The following SLC43A1 variants were observed in gnomAD, a reference collection of about 807,000 sequenced individuals.
SLC43A1 encodes large neutral amino acids transporter small subunit 3.
A neutral mutation model predicts 59.5 loss-of-function variants in SLC43A1; 31 were observed. The observed-to-expected ratio is 0.52, with a 90% CI of 0.39 to 0.70. SLC43A1 has a LOEUF of 0.70. Among genes scored for constraint, SLC43A1 ranks in the 30% least tolerant of loss-of-function variants. The pLI is 0.00. For synonymous variants in SLC43A1, 259 were observed against 290.9 expected, an observed-to-expected ratio of 0.89 and a Z score of 1.12; for missense variants, 598 against 717.8, an observed-to-expected ratio of 0.83 and a Z score of 1.91.
At position 57,490,223 on chromosome 11, in the gene SLC43A1, C is replaced by T. The variant is rs533465271; in HGVS notation, c.1194-831G>A. Among the ~76,000 whole-genome samples the T allele has an allele frequency of 2.6e-5, 4 of 151,892 alleles. No homozygotes were observed. In the East Asian group the frequency reaches 7.8e-4, roughly 30 times the overall value. ...ACTCGGGAGGCTGAGGCAGGAGAAT[C>T]GCTTGAACCTGGGAGGCAGAGGTTG... On this transcript the variant is annotated intron_variant, in intron 11 of 14. Coordinates refer to ENST00000278426, the MANE Select transcript of SLC43A1 (RefSeq NM_003627.6).
At chr11:57,513,736 G>A (rs1023468274) in intron 2 of SLC43A1, among the ~76,000 whole-genome samples, 1 of 152,220 alleles carries the variant, frequency 6.6e-6, no homozygotes, top group African/African-American at 2.4e-5. Context: ...GGGTCTGGAT[G>A]ACCAGCAGGA....
At chr11:57,500,177 T>C (rs1201797661) in intron 5 of SLC43A1, among the ~76,000 whole-genome samples, 1 of 152,152 alleles carries the variant, frequency 6.6e-6, no homozygotes, top group African/African-American at 2.4e-5. Context: ...CCACATGTAA[T>C]AGGTCAAGCC....
chr11:57,496,053 C>A lies in SLC43A1; in HGVS notation c.670G>T (p.Ala224Ser), dbSNP rs1461620388. The change falls in exon 7 of 15, where the codon GCC (alanine) becomes TCC (serine). Residue 224 changes from alanine (A) to serine (S), a missense_variant. Transcript: ENST00000278426. ...TLNWPIEAFP[A>S]PEEVNYTKKI... ...CACGTGTAATTGACTTCCTCAGGGG[C>A]AGGAAAGGCTTCGATGGGCCAGTTG... 2.5e-6 allele frequency: 4 copies of A among 1,614,038 alleles called. No homozygotes were observed. The South Asian group carries it at 3.3e-5, about 13-fold the overall frequency.
At chr11:57,505,460 C>T (rs1944371533) in intron 2 of SLC43A1, among the ~76,000 whole-genome samples, 1 of 151,456 alleles carries the variant, frequency 6.6e-6, no homozygotes, top group Non-Finnish European at 1.5e-5. Context: ...TCCAGTGAGC[C>T]GAAATCACAC....
In SLC43A1 at chr11:57,487,097, A is replaced by T; in HGVS notation, c.1531T>A (p.Trp511Arg). ...MVGPLKGEPF[W>R]VNLGLLLFSL... Reference sequence around the variant, plus strand: ...CCCACACCAACCCTCGCTCTCACCCAGAAGGGCTCTCCTTTCAGGGGTCCC... The same window carrying T: ...CCCACACCAACCCTCGCTCTCACCCTGAAGGGCTCTCCTTTCAGGGGTCCC... The change falls in exon 14 of 15, where the codon TGG becomes AGG. Residue 511 changes from tryptophan (W) to arginine (R), a missense_variant and splice_region_variant. Coordinates refer to ENST00000278426, the MANE Select transcript of SLC43A1 (RefSeq NM_003627.6). The T allele has an allele frequency of 1.2e-6, 2 of 1,613,740 alleles. No individual in the cohort carries two copies. Among genetic ancestry groups the T allele is most frequent in the Non-Finnish European group, 1.7e-6 (2 of 1,179,898 alleles).
chr11:57,494,650 G>A (rs1051226282), intron 7 of SLC43A1: 1 of 155,396 alleles, frequency 6.4e-6, no homozygotes, highest in African/African-American at 2.4e-5. Flanking sequence ...TGCTTGGTGT[G>A]GAGTATCACC....
chr11:57,492,761 G>T (rs1943971568), intron 8 of SLC43A1, among the ~76,000 whole-genome samples: 1 of 142,120 alleles, frequency 7.0e-6, no homozygotes, highest in Non-Finnish European at 1.5e-5. Flanking sequence ...AAAAAACCTG[G>T]CAGGGCACGG....
intron 5 of SLC43A1, chr11:57,499,476 C>G (rs1001956): frequency 0.81 from 122,661 of 152,362 alleles, 49,786 homozygotes; most frequent in African/African-American, 0.9. Flanking sequence ...AAGGACGCCA[C>G]GGAAGGCTGC....
chr11:57,486,542 G>A (rs1943731823), intron 14 of SLC43A1, among the ~76,000 whole-genome samples: 1 of 150,308 alleles, frequency 6.7e-6, no homozygotes, highest in African/African-American at 2.4e-5. Context: ...GCTAAGGCAT[G>A]TAATCCCAGC....
Position 57,510,319 on chromosome 11 carries a change from G to A in SLC43A1, c.154+3639C>T, listed in dbSNP as rs534300955. Reference sequence around the variant, plus strand: ...TGAAAATACAAAAAATTAGCCGGGCGTGGTGGTGGACGCCTGTAATCCCAT... The same window carrying A: ...TGAAAATACAAAAAATTAGCCGGGCATGGTGGTGGACGCCTGTAATCCCAT... On this transcript the variant is annotated intron_variant, in intron 2 of 14. Coordinates refer to ENST00000278426, the MANE Select transcript of SLC43A1 (RefSeq NM_003627.6). Among the ~76,000 whole-genome samples the A allele has an allele frequency of 1.3e-3, 204 of 151,882 alleles. 1 individual carries two copies. Among genetic ancestry groups the A allele is most frequent in the African/African-American group, 4.8e-3 (198 of 41,400 alleles).
intron 8 of SLC43A1, among the ~76,000 whole-genome samples, chr11:57,493,151 T>G (rs1239315439): frequency 6.6e-6 from 1 of 152,148 alleles, no homozygotes; most frequent in Non-Finnish European, 1.5e-5. Flanking sequence ...CCTATCCTTA[T>G]CACATTTTAC....
chr11:57,497,804 G>A lies in SLC43A1; in HGVS notation c.507C>T (p.Ala169=). ...AAGAGGCGTAAGAGCCAATCATGAG[G>A]GCCATTAACGTGGAGCGCAGGTTCC... The part of the protein sequence containing the change: ...MFGNLRSTLM[A]LMIGSYASSA... Residue 169 remains alanine (A), a synonymous_variant, in exon 6 of 15, where the codon GCC becomes GCT. Transcript: ENST00000278426. The A allele has an allele frequency of 1.9e-6, 3 of 1,613,824 alleles. No individual in the cohort carries two copies. Among genetic ancestry groups the A allele is most frequent in the Non-Finnish European group, 2.5e-6 (3 of 1,179,934 alleles).
intron 2 of SLC43A1, among the ~76,000 whole-genome samples, chr11:57,504,513 T>C (rs1350963473): frequency 1.3e-5 from 2 of 152,208 alleles, no homozygotes; most frequent in African/African-American, 4.8e-5. Flanking sequence ...TGTGCCAATA[T>C]TTTCTATAGA....
At chr11:57,506,774 A>G (rs554591715) in intron 2 of SLC43A1, among the ~76,000 whole-genome samples, 101 of 152,330 alleles carry the variant, frequency 6.6e-4, no homozygotes, top group Non-Finnish European at 1.2e-3. Flanking sequence ...CTTCTATAAA[A>G]TGGGGTTAAT....
At chr11:57,508,615 T>G (rs1340459566) in intron 2 of SLC43A1, among the ~76,000 whole-genome samples, 1 of 152,040 alleles carries the variant, frequency 6.6e-6, no homozygotes, top group Non-Finnish European at 1.5e-5. Flanking sequence ...TTTGCAAGAA[T>G]GGACAAATAA....
At chr11:57,499,300 G>A (rs976912150) in intron 5 of SLC43A1, among the ~76,000 whole-genome samples, 9 of 150,104 alleles carry the variant, frequency 6.0e-5, no homozygotes, top group Non-Finnish European at 1.0e-4. Flanking sequence ...CTCCAGCCTG[G>A]GCGACACTGC....
Position 57,494,183 on chromosome 11 carries a change from C to CA in SLC43A1, c.693-13dup, listed in dbSNP as rs761322588. On this transcript the variant is annotated splice_polypyrimidine_tract_variant and intron_variant, in intron 7 of 14. Coordinates refer to ENST00000278426, the MANE Select transcript of SLC43A1 (RefSeq NM_003627.6). ...GCTTGATCTTCTTCCTGCAGGCAGC[C>CA]AGGCCAGAGTGTAGAGGAACCAGTC... 6.2e-7 allele frequency: 1 copy of CA among 1,606,420 alleles called. No homozygotes were observed. The highest frequency in any genetic ancestry group is 1.3e-5 in the African/African-American group (1 of 74,526).
At chr11:57,494,460 C>T (rs971280287) in intron 7 of SLC43A1, 18 of 422,930 alleles carry the variant, frequency 4.3e-5, no homozygotes, top group Non-Finnish European at 5.5e-5. Context: ...AGACAGCCTG[C>T]GTCCAACCTA....
chr11:57,495,914 A>G, intron 7 of SLC43A1, 117 bp downstream of exon 7: 3 of 1,206,334 alleles, frequency 2.5e-6, no homozygotes, highest in Non-Finnish European at 3.5e-6. Flanking sequence ...GGCTCAAGCG[A>G]TTTGCCAAGC....
Sources: allele counts gnomAD v4.1 joint callset (sites outside exome capture counted in the v4.1 genomes callset), GRCh38; gene constraint gnomAD v4.1.1; transcripts MANE v1.5; gene names NCBI Gene and HGNC (gene_info 2026-07-23, HGNC 2026-07-21).